KCNH1: variants seen among roughly 807,000 people sequenced by gnomAD.
KCNH1 encodes voltage-gated delayed rectifier potassium channel KCNH1.
In KCNH1, 27 loss-of-function variants were observed where a neutral mutation model predicts 69.2. That is an observed-to-expected ratio of 0.39 (90% CI 0.29 to 0.54). The LOEUF is 0.54. Ranked by LOEUF, KCNH1 falls within the 20% of genes least tolerant of loss-of-function variation. The pLI, the probability that KCNH1 is intolerant of heterozygous loss-of-function variation, is 0.68. For missense variants in KCNH1, 798 were observed against 1,261.6 expected (o/e 0.63, Z 5.57); for synonymous variants, 456 against 487.7 (o/e 0.93, Z 0.86).
intron 6 of KCNH1, among the ~76,000 whole-genome samples, chr1:210,991,840 G>A (rs1688944543): frequency 6.6e-6 from 1 of 152,160 alleles, no homozygotes; most frequent in Non-Finnish European, 1.5e-5. Flanking sequence ...AGCACTGCCA[G>A]TCTGGTCTGA....
chr1:210,860,915 T>C (rs577315699), intron 7 of KCNH1: 20 of 944,272 alleles, frequency 2.1e-5, no homozygotes, highest in Non-Finnish European at 3.2e-5. Context: ...TTCTGCAACA[T>C]GTATTCCATC....
At chr1:210,842,351 TAG>T (rs1488893989) in intron 7 of KCNH1, among the ~76,000 whole-genome samples, 5 of 152,138 alleles carry the variant, frequency 3.3e-5, no homozygotes, top group Admixed American at 2.6e-4. Context: ...ACTCTTTATT[TAG>T]AGACACGAAG....
intron 7 of KCNH1, among the ~76,000 whole-genome samples, chr1:210,812,892 A>T (rs1443725755): frequency 1.3e-5 from 2 of 152,220 alleles, no homozygotes; most frequent in African/African-American, 2.4e-5. Flanking sequence ...GGAAAGATGG[A>T]GTCTTCAGAG....
intron 6 of KCNH1, among the ~76,000 whole-genome samples, chr1:210,999,711 C>A (rs145897536): frequency 0.71 from 108,010 of 152,030 alleles, 39,320 homozygotes; most frequent in African/African-American, 0.87. Context: ...GACACAGCAA[C>A]AAAAGAGAAT....
At chr1:211,061,200 C>T (rs1690427119) in intron 5 of KCNH1, among the ~76,000 whole-genome samples, 2 of 151,886 alleles carry the variant, frequency 1.3e-5, no homozygotes, top group African/African-American at 4.8e-5. Flanking sequence ...GAATGAAGGA[C>T]AAAAAACATA....
At chr1:211,089,858 A>G (rs1011761123) in intron 4 of KCNH1, among the ~76,000 whole-genome samples, 1 of 152,192 alleles carries the variant, frequency 6.6e-6, no homozygotes, top group African/African-American at 2.4e-5. Flanking sequence ...AACCTCTGGG[A>G]CTAACATGCC....
At chr1:211,101,930 C>A (rs1477684710) in intron 3 of KCNH1, among the ~76,000 whole-genome samples, 1 of 152,126 alleles carries the variant, frequency 6.6e-6, no homozygotes, top group Non-Finnish European at 1.5e-5. Flanking sequence ...TAAAGTAGAA[C>A]CTGATGCCCA....
chr1:210,928,280 C>T (rs1010871749), intron 6 of KCNH1, among the ~76,000 whole-genome samples: 3 of 152,152 alleles, frequency 2.0e-5, no homozygotes, highest in Non-Finnish European at 4.4e-5. Context: ...AACATCAGCA[C>T]ATGGAACATT....
At chr1:210,823,110 G>A (rs983052947) in intron 7 of KCNH1, among the ~76,000 whole-genome samples, 2 of 152,088 alleles carry the variant, frequency 1.3e-5, no homozygotes, top group Non-Finnish European at 2.9e-5. Flanking sequence ...CTCCAGTCCT[G>A]CTGACTATGT....
At chr1:210,990,750 T>C (rs1408832496) in intron 6 of KCNH1, among the ~76,000 whole-genome samples, 2 of 152,222 alleles carry the variant, frequency 1.3e-5, no homozygotes, top group African/African-American at 2.4e-5. Flanking sequence ...CAACAGAATG[T>C]CTAGCACATA....
At chr1:211,062,719 C>T (rs1690451726) in intron 5 of KCNH1, among the ~76,000 whole-genome samples, 2 of 152,124 alleles carry the variant, frequency 1.3e-5, no homozygotes, top group Non-Finnish European at 2.9e-5. Context: ...TGCTAAACAT[C>T]ACTGATCAGA....
chr1:210,903,658 T>C (rs1014140815), intron 7 of KCNH1, among the ~76,000 whole-genome samples: 2 of 152,146 alleles, frequency 1.3e-5, no homozygotes, highest in Non-Finnish European at 2.9e-5. Context: ...AAGATTAAGA[T>C]CCTGTTCACT....
chr1:211,089,496 T>A, intron 4 of KCNH1, among the ~76,000 whole-genome samples: 1 of 152,220 alleles, frequency 6.6e-6, no homozygotes, highest in East Asian at 1.9e-4. Flanking sequence ...CTGAACTCCA[T>A]AAATGTGAGT....
At chr1:210,782,581 CG>C (rs1181722596) in intron 9 of KCNH1, among the ~76,000 whole-genome samples, 1 of 152,006 alleles carries the variant, frequency 6.6e-6, no homozygotes, top group East Asian at 1.9e-4. Context: ...CAAAAATTAG[CG>C]GGGTGTGGTG....
intron 5 of KCNH1, among the ~76,000 whole-genome samples, chr1:211,058,058 C>T (rs1690346733): frequency 6.6e-6 from 1 of 152,090 alleles, no homozygotes; most frequent in South Asian, 2.1e-4. Context: ...ACTGTCACAA[C>T]ATACTTAAAA....
chr1:211,044,414 A>T (rs1690055354), intron 5 of KCNH1, among the ~76,000 whole-genome samples: 1 of 152,202 alleles, frequency 6.6e-6, no homozygotes. Context: ...AATAGCTGGG[A>T]CTTAATTAAA....
intron 7 of KCNH1, chr1:210,859,382 G>A (rs573368656): frequency 2.4e-5 from 38 of 1,562,388 alleles, no homozygotes; most frequent in South Asian, 7.8e-5. Flanking sequence ...TTATGATTTC[G>A]AATGGTTTGA....
chr1:210,721,321 A>C (rs1682449372), intron 10 of KCNH1, among the ~76,000 whole-genome samples: 1 of 152,182 alleles, frequency 6.6e-6, no homozygotes, highest in South Asian at 2.1e-4. Flanking sequence ...CTAGCCTGAT[A>C]ATCAGAGTGG....
At chr1:210,832,574 T>C (rs75465605) in intron 7 of KCNH1, among the ~76,000 whole-genome samples, 4,433 of 152,268 alleles carry the variant, frequency 0.029, 77 homozygotes, top group Middle Eastern at 0.058. Flanking sequence ...CCAGGATTAT[T>C]TGGTCTCCAT....
Sources: allele counts gnomAD v4.1 joint callset (sites outside exome capture counted in the v4.1 genomes callset), GRCh38; gene constraint gnomAD v4.1.1; transcripts MANE v1.5; gene names NCBI Gene and HGNC (gene_info 2026-07-23, HGNC 2026-07-21).